Variants in KCNN3 observed in about 807,000 individuals in gnomAD.
KCNN3 encodes potassium calcium-activated channel subfamily N member 3.
Under a neutral mutation model 62.9 loss-of-function variants are expected in KCNN3, and 16 were observed. The observed-to-expected ratio is 0.25, with a 90% confidence interval of 0.17 to 0.39. KCNN3 has a LOEUF of 0.39. Among genes scored for constraint, KCNN3 ranks in the 10% least tolerant of loss-of-function variants. The pLI is 1.00. For missense variants in KCNN3, 599 were observed against 949.4 expected (o/e 0.63, Z 4.85); for synonymous variants, 370 against 389.2 (o/e 0.95, Z 0.58).
Position 154,869,279 on chromosome 1 carries a change from G to A in KCNN3, c.686C>T (p.Ala229Val), listed in dbSNP as rs753446081. The A allele has an allele frequency of 3.2e-5, 52 of 1,613,872 alleles. No individual in the cohort carries two copies. The highest frequency in any genetic ancestry group is 4.2e-5 in the Non-Finnish European group (50 of 1,179,964). ...IVISSREDNH[A>V]HQTLLHHPNA... ...AGGGTGATGGAGCAGGGTCTGGTGG[G>A]CATGGTTGTCCTCCCGGGAGGAGAT... is the stretch of plus-strand genomic sequence containing the variant. The change falls in exon 1 of 8, where the codon GCC becomes GTC. Residue 229 changes from alanine to valine, a missense_variant. Around this residue, in one of 7 missense-constraint regions of KCNN3, gnomAD observed 80 missense variants for 85.4 expected, o/e 0.94. Coordinates refer to ENST00000271915, the MANE Select transcript of KCNN3 (RefSeq NM_002249.6). This position sits in a 1 kb window ranked among gnomAD's most constrained non-coding sequence, Gnocchi z 6.1.
chr1:154,751,995 G>A (rs1327985631), intron 3 of KCNN3, among the ~76,000 whole-genome samples: 1 of 152,188 alleles, frequency 6.6e-6, no homozygotes, highest in Non-Finnish European at 1.5e-5. Flanking sequence ...AAACAGATGG[G>A]GAGGAAAAAC....
intron 3 of KCNN3, among the ~76,000 whole-genome samples, chr1:154,746,770 C>T (rs1700947589): frequency 1.3e-5 from 2 of 152,144 alleles, no homozygotes; most frequent in Non-Finnish European, 2.9e-5. Flanking sequence ...CCCTTGGGGA[C>T]ATCAGTCTTT....
At chr1:154,749,009 T>C (rs1408088163) in intron 3 of KCNN3, among the ~76,000 whole-genome samples, 1 of 152,174 alleles carries the variant, frequency 6.6e-6, no homozygotes, top group Admixed American at 6.5e-5. Context: ...GGAGGAGCCC[T>C]GTCTTTGACC....
chr1:154,754,891 G>A (rs528097629), intron 3 of KCNN3, among the ~76,000 whole-genome samples: 1 of 152,314 alleles, frequency 6.6e-6, no homozygotes, highest in Admixed American at 6.5e-5. Context: ...AAACAGAGAA[G>A]CAGAGAGAGA....
intron 3 of KCNN3, among the ~76,000 whole-genome samples, chr1:154,758,824 T>TTGTTTC (rs143684112): frequency 6.6e-6 from 1 of 151,984 alleles, no homozygotes; most frequent in Non-Finnish European, 1.5e-5. Context: ...GTTTTTGTTT[T>TTGTTTC]TGAGATGGAG....
intron 4 of KCNN3, among the ~76,000 whole-genome samples, chr1:154,728,633 G>GAGAGGAGAAAAGAGAAGAGA (rs766458415): frequency 0.014 from 2,090 of 151,412 alleles, 61 homozygotes; most frequent in African/African-American, 0.049. Context: ...GAGGGGAGGA[G>GAGAGGAGAAAAGAGAAGAGA]AGAGGAGAAA....
In KCNN3 at chr1:154,782,844, C is replaced by T. The variant is rs150184442; in HGVS notation, c.1030-10451G>A. 7.2e-3 allele frequency among the ~76,000 whole-genome samples: 1,103 copies of T among 152,350 alleles called. 10 individuals are homozygous for T. Among genetic ancestry groups the T allele is most frequent in the African/African-American group, 0.025 (1,051 of 41,590 alleles). The stretch of plus-strand genomic sequence containing the variant: ...AGCATTCTGTGTCTTCCAAGTCCCA[C>T]GCCCTTTCACCTGCCAGCCTGCTAA... On this transcript the variant is annotated intron_variant, in intron 2 of 7. Coordinates refer to ENST00000271915, the MANE Select transcript of KCNN3 (RefSeq NM_002249.6).
chr1:154,857,787 A>T (rs1409113813), intron 1 of KCNN3, among the ~76,000 whole-genome samples: 1 of 152,198 alleles, frequency 6.6e-6, no homozygotes, highest in African/African-American at 2.4e-5. Context: ...TGAGGACTTA[A>T]TGAGATGAGG....
At chr1:154,815,525 A>G (rs1190907548) in intron 2 of KCNN3, among the ~76,000 whole-genome samples, 1 of 152,248 alleles carries the variant, frequency 6.6e-6, no homozygotes, top group African/African-American at 2.4e-5. Context: ...ACCCTGGGTC[A>G]CAGTGGATAA....
At chr1:154,804,457 A>G (rs1442760284) in intron 2 of KCNN3, among the ~76,000 whole-genome samples, 1 of 152,232 alleles carries the variant, frequency 6.6e-6, no homozygotes, top group East Asian at 1.9e-4. Flanking sequence ...TTCCACAGCA[A>G]CGTGGTTCCA....
intron 2 of KCNN3, among the ~76,000 whole-genome samples, chr1:154,806,748 G>C (rs555395502): frequency 1.3e-5 from 2 of 152,144 alleles, no homozygotes; most frequent in African/African-American, 4.8e-5. Flanking sequence ...ACTAGAAAGG[G>C]GCCTAAAGGA....
intron 2 of KCNN3, among the ~76,000 whole-genome samples, chr1:154,784,998 CCA>C (rs1649217317): frequency 6.6e-6 from 1 of 152,212 alleles, no homozygotes; most frequent in Non-Finnish European, 1.5e-5. Context: ...GGGCTGAGCC[CCA>C]GTGTTTGCCT....
rs748634554 is a variant in KCNN3 at position 154,869,265 on chromosome 1, G to A, written c.700C>T (p.Leu234Phe). ...TTGTGGGTGGCATTAGGGTGATGGA[G>A]CAGGGTCTGGTGGGCATGGTTGTCC... ...REDNHAHQTL[L>F]HHPNATHNHQ... Residue 234 changes from leucine to phenylalanine, a missense_variant, in exon 1 of 8, where the codon CTC becomes TTC. By Grantham distance (22) the Leu-to-Phe change is conservative. This residue lies in a region of KCNN3 where 80 missense variants were observed against 85.4 expected (regional missense o/e 0.94). Coordinates refer to ENST00000271915, the MANE Select transcript of KCNN3 (RefSeq NM_002249.6). The surrounding 1 kb of genome is among the most constrained non-coding windows in gnomAD (Gnocchi z 6.1). 2 of 1,613,992 alleles carry A rather than the reference G, an allele frequency of 1.2e-6. No individual in the cohort carries two copies. Among genetic ancestry groups the A allele is most frequent in the Non-Finnish European group, 1.7e-6 (2 of 1,179,982 alleles).
At chr1:154,750,022 T>C (rs1647291815) in intron 3 of KCNN3, among the ~76,000 whole-genome samples, 1 of 151,886 alleles carries the variant, frequency 6.6e-6, no homozygotes, top group Admixed American at 6.6e-5. Context: ...GGGATGGGAG[T>C]AGTTTCTCAG....
At position 154,822,079 on chromosome 1, in the gene KCNN3, G is replaced by T; in HGVS notation, c.1029+10C>A. The T allele has an allele frequency of 6.2e-7, 1 of 1,605,370 alleles. No homozygotes were observed. The highest frequency in any genetic ancestry group is 8.5e-7 in the Non-Finnish European group (1 of 1,172,116). On this transcript the variant is annotated intron_variant, in intron 2 of 7. Coordinates refer to ENST00000271915, the MANE Select transcript of KCNN3 (RefSeq NM_002249.6). ...GCCGCTGCATGAAGGGGTGAGGTGG[G>T]GGCACCTACCTGGACTTCACGTGTG...
intron 1 of KCNN3, 132 bp downstream of exon 1, chr1:154,868,896 CTCAA>C: frequency 1.1e-6 from 1 of 942,488 alleles, no homozygotes. Flanking sequence ...CTCCCAATCT[CTCAA>C]TCTCTCTCTC....
chr1:154,787,087 C>T (rs556703666), intron 2 of KCNN3, among the ~76,000 whole-genome samples: 5 of 152,330 alleles, frequency 3.3e-5, no homozygotes, highest in African/African-American at 1.2e-4. Context: ...ATCCACAGCC[C>T]CTCTAACTAA....
At chr1:154,799,252 A>G (rs757085602) in intron 2 of KCNN3, among the ~76,000 whole-genome samples, 4 of 152,106 alleles carry the variant, frequency 2.6e-5, no homozygotes, top group African/African-American at 9.7e-5. Context: ...ATACTAACAC[A>G]GTTCTTATTA....
chr1:154,866,199 C>T (rs1652951599), intron 1 of KCNN3, among the ~76,000 whole-genome samples: 1 of 152,134 alleles, frequency 6.6e-6, no homozygotes, highest in Non-Finnish European at 1.5e-5. Context: ...TTCTTCCCTC[C>T]CAGATACAAC....
Sources: gnomAD v4.1 joint callset for allele counts (sites outside exome capture counted in the v4.1 genomes callset) on GRCh38, gnomAD v4.1.1 for gene constraint, gnomAD v4.1.1 regional missense constraint, Gnocchi (gnomAD v3.1) non-coding constraint, MANE v1.5 for transcripts, NCBI Gene and HGNC (gene_info 2026-07-23, HGNC 2026-07-21) for gene names.